The following KALRN variants were observed in gnomAD, a reference collection of about 807,000 sequenced individuals.
KALRN encodes kalirin RhoGEF kinase.
In KALRN, 70 loss-of-function variants were observed where a neutral mutation model predicts 353.7. The observed-to-expected ratio is 0.20, with a 90% CI of 0.16 to 0.24. The LOEUF (loss-of-function observed/expected upper bound fraction) is 0.24. KALRN is among the 10% of genes least tolerant of loss of function. The pLI, the probability that KALRN is intolerant of heterozygous loss-of-function variation, is 1.00. For synonymous variants in KALRN, 1,391 were observed against 1,434.8 expected, an observed-to-expected ratio of 0.97 and a Z score of 0.69; for missense variants, 2,791 against 3,756.7, an observed-to-expected ratio of 0.74 and a Z score of 6.72.
In KALRN at chr3:124,268,929, C is replaced by A. The variant is rs1187034389; in HGVS notation, c.643C>A (p.Arg215=). 23 of 1,613,942 alleles carry A rather than the reference C, an allele frequency of 1.4e-5. No homozygotes were observed. The highest frequency in any genetic ancestry group is 1.9e-5 in the Non-Finnish European group (23 of 1,180,006). Residue 215 remains arginine (R), a synonymous_variant, in exon 5 of 60, where the codon CGG becomes AGG. Coordinates refer to ENST00000682506, the MANE Select transcript of KALRN (RefSeq NM_001388419.1). ...RLEDLQEMLA[R]KEFPVDVEGS... ...CGAGGACCTCCAGGAGATGCTAGCC[C>A]GGAAGGAGTTTCCTGTGGATGTGGA...
rs747901386 is a variant in KALRN at position 124,671,785 on chromosome 3, C to A, written c.6829C>A (p.Pro2277Thr). 1.2e-6 allele frequency: 2 copies of A among 1,614,138 alleles called. No homozygotes were observed. The highest frequency in any genetic ancestry group is 1.7e-6 in the Non-Finnish European group (2 of 1,179,962). ...YSSVPAGSEK[P>T]PKGSSYNPPL... ...CTCTGTTCCTGCGGGCTCAGAGAAGCCCCCAAAGGGCTCCAGCTATAACCC... is the reference window on the plus strand; with the variant it reads ...CTCTGTTCCTGCGGGCTCAGAGAAGACCCCAAAGGGCTCCAGCTATAACCC... Residue 2277 changes from proline (P) to threonine (T), a missense_variant, in exon 48 of 60, where the codon CCC becomes ACC. By Grantham distance (38) the Pro-to-Thr change is conservative. Transcript: ENST00000682506.
chr3:124,139,153 T>A (rs2066311496), intron 1 of KALRN, among the ~76,000 whole-genome samples: 1 of 152,262 alleles, frequency 6.6e-6, no homozygotes, highest in Non-Finnish European at 1.5e-5. Flanking sequence ...CTTTTTTCTC[T>A]TGGTTACATG....
intron 3 of KALRN, among the ~76,000 whole-genome samples, chr3:124,246,922 G>A (rs763884504): frequency 2.0e-5 from 3 of 152,132 alleles, no homozygotes; most frequent in Non-Finnish European, 2.9e-5. Context: ...TAGCATCTGG[G>A]GAAAAGGATG....
intron 1 of KALRN, among the ~76,000 whole-genome samples, chr3:124,168,496 G>C (rs2071225068): frequency 1.3e-5 from 2 of 152,186 alleles, no homozygotes; most frequent in African/African-American, 4.8e-5. Context: ...TTGGCTTTAA[G>C]GGAGTCCCCA....
At chr3:124,465,029 G>A (rs1414543050) in intron 25 of KALRN, among the ~76,000 whole-genome samples, 1 of 152,038 alleles carries the variant, frequency 6.6e-6, no homozygotes, top group Non-Finnish European at 1.5e-5. Context: ...GCAAATAACT[G>A]TACTGCATTT....
chr3:124,439,198 TCTCACACACA>T (rs1181735608), intron 18 of KALRN, among the ~76,000 whole-genome samples, 161 bp downstream of exon 18: 20 of 125,450 alleles, frequency 1.6e-4, no homozygotes, highest in East Asian at 6.8e-4. Context: ...TCTCTCTCTC[TCTCACACACA>T]CACACACACA....
chr3:124,527,582 C>T (rs950638331), intron 33 of KALRN, among the ~76,000 whole-genome samples: 1 of 149,680 alleles, frequency 6.7e-6, no homozygotes, highest in Non-Finnish European at 1.5e-5. Context: ...CCAGCCTGGG[C>T]GACAGAGCAA....
chr3:124,313,261 C>T lies in KALRN; in HGVS notation c.1093-12719C>T, dbSNP rs150503245. On this transcript the variant is annotated intron_variant, in intron 6 of 59. Coordinates refer to ENST00000682506, the MANE Select transcript of KALRN (RefSeq NM_001388419.1). The stretch of plus-strand genomic sequence containing the variant: ...CTCATCCTAAAGACAGAAGCAAAGC[C>T]ACTAAAAAGCAAACCCCCACCCCCT... Among the ~76,000 whole-genome samples, 640 of 152,262 alleles carry T rather than the reference C, an allele frequency of 4.2e-3. 3 individuals carry two copies. Among genetic ancestry groups the T allele is most frequent in the Non-Finnish European group, 7.3e-3 (496 of 68,024 alleles).
At chr3:124,379,563 G>T (rs527581195) in intron 10 of KALRN, among the ~76,000 whole-genome samples, 41 of 152,314 alleles carry the variant, frequency 2.7e-4, no homozygotes, top group Non-Finnish European at 4.9e-4. Context: ...GTACTAGGCA[G>T]GACCAGAGCA....
At chr3:124,678,462 C>T (rs2087448187) in intron 50 of KALRN, 149 bp downstream of exon 50, 1 of 763,206 alleles carries the variant, frequency 1.3e-6, no homozygotes, top group African/African-American at 1.8e-5. Flanking sequence ...ATTTTGCATG[C>T]AAGATCAATT....
At position 124,719,566 on chromosome 3, in the gene KALRN, C is replaced by G; in HGVS notation, c.*96C>G. 1 of 1,184,204 alleles carries G rather than the reference C, an allele frequency of 8.4e-7. No homozygotes were observed. Among genetic ancestry groups the G allele is most frequent in the Non-Finnish European group, 1.2e-6 (1 of 844,428 alleles). The allele number at this position is 1,184,204 out of a possible 1,614,324, so 73.4% of individuals were successfully genotyped here. On this transcript the variant is annotated 3_prime_UTR_variant, in exon 60 of 60. Coordinates refer to ENST00000682506, the MANE Select transcript of KALRN (RefSeq NM_001388419.1). This position sits in a 1 kb window ranked among gnomAD's most constrained non-coding sequence, Gnocchi z 5.3. ...AATAATTCTGTTCATCATTTCACTC[C>G]GTGCAGTTCTCTGAATTGAGAGATG...
chr3:124,223,414 G>T (rs978746163), intron 1 of KALRN, among the ~76,000 whole-genome samples: 1 of 152,234 alleles, frequency 6.6e-6, no homozygotes, highest in Middle Eastern at 3.4e-3. Flanking sequence ...ACACCACACG[G>T]GTGAAGTAGA....
At chr3:124,392,247 A>G (rs1192098518) in intron 11 of KALRN, among the ~76,000 whole-genome samples, 2 of 152,102 alleles carry the variant, frequency 1.3e-5, no homozygotes, top group African/African-American at 4.8e-5. Flanking sequence ...ATTTTTTTAT[A>G]GATGCTGGGT....
At chr3:124,256,648 C>T (rs1166769301) in intron 3 of KALRN, among the ~76,000 whole-genome samples, 1 of 152,026 alleles carries the variant, frequency 6.6e-6, no homozygotes, top group African/African-American at 2.4e-5. Flanking sequence ...CCTCACACAC[C>T]CACCCACCCA....
At chr3:124,313,006 A>G (rs2078432330) in intron 6 of KALRN, among the ~76,000 whole-genome samples, 2 of 152,202 alleles carry the variant, frequency 1.3e-5, no homozygotes. Context: ...TTGAGCATCA[A>G]GGATGCAGAG....
At chr3:124,384,317 T>C (rs1302144834) in intron 10 of KALRN, among the ~76,000 whole-genome samples, 2 of 152,152 alleles carry the variant, frequency 1.3e-5, no homozygotes, top group East Asian at 1.9e-4. Context: ...CTGCCTTCTG[T>C]CAGCTCCCTA....
intron 34 of KALRN, among the ~76,000 whole-genome samples, chr3:124,606,303 A>G (rs535031310): frequency 2.7e-4 from 41 of 152,228 alleles, no homozygotes; most frequent in Non-Finnish European, 5.1e-4. Flanking sequence ...CCTCTCTTAG[A>G]TGGGAGTCCT....
intron 29 of KALRN, 170 bp downstream of exon 29, chr3:124,488,485 C>G (rs2062800274): frequency 1.7e-6 from 1 of 592,416 alleles, no homozygotes; most frequent in South Asian, 2.0e-5. Flanking sequence ...CCACAAGGAC[C>G]AATTTGGCTA....
intron 14 of KALRN, among the ~76,000 whole-genome samples, chr3:124,418,834 A>G (rs899800633): frequency 2.0e-5 from 3 of 152,142 alleles, no homozygotes; most frequent in East Asian, 1.9e-4. Context: ...TCTTGGTTGC[A>G]TGTTGGAATC....
Sources: gnomAD v4.1 joint callset for allele counts (sites outside exome capture counted in the v4.1 genomes callset) on GRCh38, gnomAD v4.1.1 for gene constraint, Gnocchi (gnomAD v3.1) non-coding constraint, MANE v1.5 for transcripts, NCBI Gene and HGNC (gene_info 2026-07-23, HGNC 2026-07-21) for gene names.